STT3B: variants seen among roughly 807,000 people sequenced by gnomAD.
STT3B encodes dolichyl-diphosphooligosaccharide--protein glycosyltransferase subunit STT3B.
Under a neutral mutation model 96.8 loss-of-function variants are expected in STT3B, and 29 were observed. The observed-to-expected ratio is 0.30, with a 90% CI of 0.22 to 0.41. The LOEUF (loss-of-function observed/expected upper bound fraction) is 0.41, where lower values mean the gene tolerates loss of function less well. STT3B is among the 10% of genes least tolerant of loss of function. The pLI, the probability that STT3B is intolerant of heterozygous loss-of-function variation, is 1.00. For synonymous variants in STT3B, 367 were observed against 360.0 expected (o/e 1.02, Z -0.22); for missense variants, 640 against 1,022.3 (o/e 0.63, Z 5.10).
chr3:31,535,385 C>T (rs1697063569), intron 1 of STT3B, among the ~76,000 whole-genome samples: 1 of 149,734 alleles, frequency 6.7e-6, no homozygotes, highest in Admixed American at 6.7e-5. Flanking sequence ...CTTTTTCCAG[C>T]TTCAGTAGTG....
intron 1 of STT3B, among the ~76,000 whole-genome samples, chr3:31,559,755 A>G (rs1465037115): frequency 6.6e-6 from 1 of 152,082 alleles, no homozygotes; most frequent in Non-Finnish European, 1.5e-5. Context: ...AACTTTGTCT[A>G]CATGATCTAT....
intron 5 of STT3B, among the ~76,000 whole-genome samples, chr3:31,606,615 G>A (rs888474290): frequency 2.0e-5 from 3 of 152,230 alleles, no homozygotes; most frequent in Non-Finnish European, 2.9e-5. Context: ...AGATTTCAAA[G>A]AACGTATGGA....
intron 13 of STT3B, 129 bp from the exon 14 acceptor site, chr3:31,629,169 G>C: frequency 1.6e-6 from 1 of 625,508 alleles, no homozygotes; most frequent in Non-Finnish European, 2.8e-6. Context: ...ATTTTTTTGA[G>C]GTGTAACTGA....
intron 4 of STT3B, among the ~76,000 whole-genome samples, chr3:31,597,955 C>T (rs1473744183): frequency 6.6e-6 from 1 of 151,760 alleles, no homozygotes; most frequent in Non-Finnish European, 1.5e-5. Flanking sequence ...CGCGCCTCAG[C>T]CTCCCAAGTG....
At position 31,533,008 on chromosome 3, in the gene STT3B, C is replaced by T; in HGVS notation, c.10C>T (p.Pro4Ser). ...GCCGCCGGGGCACAACATGGCGGAG[C>T]CCTCGGCCCCGGAGAGCAAGCACAA... MAE[P>S]SAPESKHKSS... The change falls in exon 1 of 16, where the codon CCC becomes TCC. Residue 4 changes from proline to serine, a missense_variant. Coordinates refer to ENST00000295770, the MANE Select transcript of STT3B (RefSeq NM_178862.3). The T allele has an allele frequency of 1.3e-6, 2 of 1,589,024 alleles. No individual in the cohort carries two copies. Among genetic ancestry groups the T allele is most frequent in the Non-Finnish European group, 1.7e-6 (2 of 1,169,140 alleles).
At chr3:31,544,950 G>A (rs1177528113) in intron 1 of STT3B, among the ~76,000 whole-genome samples, 2 of 152,034 alleles carry the variant, frequency 1.3e-5, no homozygotes, top group East Asian at 3.9e-4. Context: ...GAGCGGGGGG[G>A]GAACATTGCA....
chr3:31,569,993 T>A (rs1698100658), intron 1 of STT3B, among the ~76,000 whole-genome samples: 1 of 152,130 alleles, frequency 6.6e-6, no homozygotes, highest in Admixed American at 6.6e-5. Context: ...ATTTCAAACA[T>A]ACAGCAAAGT....
chr3:31,537,395 T>C (rs933333034), intron 1 of STT3B, among the ~76,000 whole-genome samples: 2 of 152,166 alleles, frequency 1.3e-5, no homozygotes, highest in Admixed American at 1.3e-4. Context: ...AAAAAGTCAC[T>C]TTGTGGGATC....
chr3:31,603,530 T>C (rs1698980088), intron 5 of STT3B, among the ~76,000 whole-genome samples: 1 of 152,110 alleles, frequency 6.6e-6, no homozygotes, highest in African/African-American at 2.4e-5. Flanking sequence ...CATAGGATTC[T>C]ACTGTTTTAA....
At chr3:31,573,156 G>GA (rs1698196952) in intron 1 of STT3B, among the ~76,000 whole-genome samples, 1 of 152,250 alleles carries the variant, frequency 6.6e-6, no homozygotes, top group Admixed American at 6.5e-5. Flanking sequence ...GGAAAGAAGA[G>GA]AGGTAATACG....
chr3:31,595,707 TTCC>T (rs1347239603), intron 3 of STT3B, among the ~76,000 whole-genome samples: 4 of 152,334 alleles, frequency 2.6e-5, no homozygotes, highest in Admixed American at 2.6e-4. Context: ...TTCAGTTTAC[TTCC>T]TCCTCTAGAT....
At chr3:31,610,653 A>T (rs551583280) in intron 5 of STT3B, among the ~76,000 whole-genome samples, 27 of 152,332 alleles carry the variant, frequency 1.8e-4, no homozygotes, top group African/African-American at 6.5e-4. Flanking sequence ...TCTTCTCTAT[A>T]TCTGTCTCGT....
intron 1 of STT3B, among the ~76,000 whole-genome samples, chr3:31,560,235 A>G (rs908675365): frequency 6.6e-6 from 1 of 151,656 alleles, no homozygotes; most frequent in Non-Finnish European, 1.5e-5. Context: ...TTATTAATTG[A>G]TTTCTGGTTA....
chr3:31,600,206 C>T (rs1009105413), intron 4 of STT3B, among the ~76,000 whole-genome samples, 154 bp from the exon 5 acceptor site: 3 of 151,964 alleles, frequency 2.0e-5, no homozygotes, highest in Non-Finnish European at 4.4e-5. Flanking sequence ...ATGAGGAATA[C>T]GTTCTTCATA....
At chr3:31,613,222 A>G (rs1363033989) in intron 5 of STT3B, among the ~76,000 whole-genome samples, 1 of 151,988 alleles carries the variant, frequency 6.6e-6, no homozygotes, top group East Asian at 1.9e-4. Context: ...TTTCACCTCA[A>G]TTTTTTTAAG....
chr3:31,632,210 C>T (rs1699677244), intron 14 of STT3B, among the ~76,000 whole-genome samples: 1 of 152,110 alleles, frequency 6.6e-6, no homozygotes, highest in Admixed American at 6.5e-5. Flanking sequence ...CTTTTTATCC[C>T]TCATAAATCC....
chr3:31,628,645 C>T (rs1272011100), intron 13 of STT3B, among the ~76,000 whole-genome samples: 4 of 152,226 alleles, frequency 2.6e-5, no homozygotes, highest in African/African-American at 9.6e-5. Flanking sequence ...AAAATTACCA[C>T]AGGAGTCTTT....
At position 31,622,305 on chromosome 3, in the gene STT3B, T is replaced by C; in HGVS notation, c.1536T>C (p.Asp512=). 1 of 1,613,582 alleles carries C rather than the reference T, an allele frequency of 6.2e-7. No individual in the cohort carries two copies. Among genetic ancestry groups the C allele is most frequent in the Non-Finnish European group, 8.5e-7 (1 of 1,179,590 alleles). ...DDKRNQGNLY[D]KAGKVRKHAT... ...AAAGAAACCAAGGAAATTTGTATGA[T>C]AAGGTGGGGAATCTAAAGTAAGGCC... Residue 512 remains aspartate (D), a synonymous_variant, in exon 10 of 16, where the codon GAT becomes GAC. Transcript: ENST00000295770.
chr3:31,614,996 C>A (rs190272152), intron 5 of STT3B, 109 bp from the exon 6 acceptor site: 40 of 563,126 alleles, frequency 7.1e-5, no homozygotes, highest in Non-Finnish European at 9.2e-5. Flanking sequence ...AGATTCTGTT[C>A]TTAAATTCAG....
Sources: gnomAD v4.1 joint callset for allele counts (sites outside exome capture counted in the v4.1 genomes callset) on GRCh38, gnomAD v4.1.1 for gene constraint, MANE v1.5 for transcripts, NCBI Gene and HGNC (gene_info 2026-07-23, HGNC 2026-07-21) for gene names.